NEGR1: variants seen among roughly 807,000 people sequenced by gnomAD.
The protein encoded by NEGR1 is IgLON family member 4.
A neutral mutation model predicts 40.9 loss-of-function variants in NEGR1; 10 were observed. The ratio of observed to expected loss-of-function variants is 0.24; its 90% CI spans 0.15 to 0.42. The LOEUF (loss-of-function observed/expected upper bound fraction) is 0.42. Among genes scored for constraint, NEGR1 ranks in the 10% least tolerant of loss-of-function variants. The probability of loss-of-function intolerance (pLI) is 1.00; values close to 1 mark genes in which losing one functional copy is unlikely to be tolerated. For synonymous variants in NEGR1, 185 were observed against 166.8 expected, an observed-to-expected ratio of 1.11 and a Z score of -0.84; for missense variants, 352 against 438.9, an observed-to-expected ratio of 0.80 and a Z score of 1.77.
At chr1:71,903,358 C>T (rs540903340) in intron 2 of NEGR1, among the ~76,000 whole-genome samples, 1 of 151,912 alleles carries the variant, frequency 6.6e-6, no homozygotes, top group African/African-American at 2.4e-5. Flanking sequence ...CTGCTGTCAG[C>T]AAAATTAAGG....
intron 3 of NEGR1, among the ~76,000 whole-genome samples, chr1:71,751,079 G>A (rs1030442787): frequency 1.3e-5 from 2 of 150,560 alleles, no homozygotes; most frequent in Non-Finnish European, 3.0e-5. Context: ...ATCATTCTTT[G>A]TTTTGTTTTT....
Position 71,575,225 on chromosome 1 carries a change from T to C in NEGR1, c.940+17592A>G, listed in dbSNP as rs188283137. Among the ~76,000 whole-genome samples the C allele has an allele frequency of 2.1e-3, 321 of 152,266 alleles. 1 individual carries two copies. Among genetic ancestry groups the C allele is most frequent in the African/African-American group, 7.5e-3 (313 of 41,552 alleles). On this transcript the variant is annotated intron_variant, in intron 6 of 6. Transcript: ENST00000357731. Reference sequence around the variant, plus strand: ...GCCTGGTAATTTATATATTGCAACATTGAAAAAGTCAGTTGCTTCTGCCTC... The same window carrying C: ...GCCTGGTAATTTATATATTGCAACACTGAAAAAGTCAGTTGCTTCTGCCTC...
intron 1 of NEGR1, among the ~76,000 whole-genome samples, chr1:72,063,928 T>G (rs1438837301): frequency 1.3e-5 from 2 of 151,970 alleles, no homozygotes; most frequent in African/African-American, 4.8e-5. Flanking sequence ...AAGTAGTTTT[T>G]GACAGCTTCC....
At chr1:72,136,074 C>G (rs1392055994) in intron 1 of NEGR1, among the ~76,000 whole-genome samples, 1 of 151,786 alleles carries the variant, frequency 6.6e-6, no homozygotes, top group Non-Finnish European at 1.5e-5. Flanking sequence ...AAATGTCAGG[C>G]AAACAACAAC....
chr1:72,142,749 G>GT lies in NEGR1; in HGVS notation c.176+139569dup, dbSNP rs1362822482. On this transcript the variant is annotated intron_variant, in intron 1 of 6. Transcript: ENST00000357731. ...AATACTGAGGCAGAATTTAGTTTTT[G>GT]TTTTTTTGTTTGTTTGTTTGTTTCA... Among the ~76,000 whole-genome samples the GT allele has an allele frequency of 6.6e-3, 995 of 150,998 alleles. 3 individuals carry two copies. Among genetic ancestry groups the GT allele is most frequent in the Non-Finnish European group, 9.8e-3 (663 of 67,562 alleles).
Position 71,402,021 on chromosome 1 carries a change from A to G in NEGR1, c.*5425T>C, listed in dbSNP as rs1188902819. 6.6e-6 allele frequency: 1 copy of G among 151,880 alleles called. No individual in the cohort carries two copies. The highest frequency in any genetic ancestry group is 2.4e-5 in the African/African-American group (1 of 41,376). The allele number at this position is 151,880 out of a possible 1,614,324, so 9.4% of individuals were successfully genotyped here. A position where few individuals can be genotyped will look rare whatever the true frequency, so the allele number is the denominator to read the frequency against. On this transcript the variant is annotated 3_prime_UTR_variant, in exon 7 of 7. Transcript: ENST00000357731. ...TTTAAAATGTGCTTATATTTATATAAATATATAAATAAAAATATGCAAATA... is the reference window on the plus strand; with the variant it reads ...TTTAAAATGTGCTTATATTTATATAGATATATAAATAAAAATATGCAAATA...
chr1:72,003,995 T>C (rs1016987736), intron 1 of NEGR1, among the ~76,000 whole-genome samples: 2 of 152,040 alleles, frequency 1.3e-5, no homozygotes, highest in African/African-American at 4.8e-5. Flanking sequence ...TAAAGATATA[T>C]ATATTTTCTC....
At chr1:71,834,170 A>G (rs1449434263) in intron 2 of NEGR1, among the ~76,000 whole-genome samples, 4 of 152,076 alleles carry the variant, frequency 2.6e-5, no homozygotes, top group African/African-American at 7.2e-5. Flanking sequence ...GCTTTGATTC[A>G]TGGTTTAAGG....
chr1:71,655,157 C>G (rs1467973537), intron 4 of NEGR1, among the ~76,000 whole-genome samples: 1 of 152,074 alleles, frequency 6.6e-6, no homozygotes, highest in Non-Finnish European at 1.5e-5. Flanking sequence ...TATTGAGTAT[C>G]TTTATTTTGG....
intron 6 of NEGR1, among the ~76,000 whole-genome samples, chr1:71,473,831 A>G (rs1646800169): frequency 6.6e-6 from 1 of 152,024 alleles, no homozygotes; most frequent in African/African-American, 2.4e-5. Flanking sequence ...TTCCTTTGTG[A>G]CTAGTGTGCA....
chr1:71,624,652 T>C (rs1180825018), intron 4 of NEGR1, among the ~76,000 whole-genome samples: 2 of 151,924 alleles, frequency 1.3e-5, no homozygotes, highest in East Asian at 1.9e-4. Flanking sequence ...GTCTTTTTAC[T>C]TGATACTTCC....
Position 71,397,208 on chromosome 1 carries a change from G to T in NEGR1, c.*10238C>A, listed in dbSNP as rs1646218212. The stretch of plus-strand genomic sequence containing the variant: ...GGTAGCATTTTGCCCTTGCCCTAGA[G>T]ATGTGTAGAACTTTGAAGTTGAGAG... On this transcript the variant is annotated 3_prime_UTR_variant, in exon 7 of 7. Transcript: ENST00000357731. The T allele has an allele frequency of 6.6e-6, 1 of 152,638 alleles. No homozygotes were observed. The highest frequency in any genetic ancestry group is 1.5e-5 in the Non-Finnish European group (1 of 68,382). The allele number at this position is 152,638 out of a possible 1,614,324, so 9.5% of individuals were successfully genotyped here.
intron 6 of NEGR1, among the ~76,000 whole-genome samples, chr1:71,473,847 T>C (rs1646800369): frequency 6.6e-6 from 1 of 152,030 alleles, no homozygotes; most frequent in South Asian, 2.1e-4. Context: ...GTGCATATAT[T>C]GCTTAATACT....
chr1:72,084,151 G>C (rs1648113879), intron 1 of NEGR1, among the ~76,000 whole-genome samples: 1 of 151,748 alleles, frequency 6.6e-6, no homozygotes, highest in African/African-American at 2.4e-5. Flanking sequence ...AGAGCACATA[G>C]CCTTTACAGC....
At chr1:72,037,519 T>C (rs529366494) in intron 1 of NEGR1, among the ~76,000 whole-genome samples, 2 of 152,286 alleles carry the variant, frequency 1.3e-5, no homozygotes, top group East Asian at 3.9e-4. Context: ...CATTAACCAA[T>C]TGTGCTGTAG....
intron 2 of NEGR1, among the ~76,000 whole-genome samples, chr1:71,876,237 T>A (rs542860497): frequency 6.6e-6 from 1 of 152,258 alleles, no homozygotes; most frequent in African/African-American, 2.4e-5. Context: ...TCCATGATTC[T>A]AAGCTAACAA....
chr1:71,653,778 T>C (rs1039120040), intron 4 of NEGR1, among the ~76,000 whole-genome samples: 2 of 151,866 alleles, frequency 1.3e-5, no homozygotes, highest in Non-Finnish European at 2.9e-5. Context: ...TTTTTTATCA[T>C]GAACATTTCA....
chr1:71,793,107 G>A (rs890624417), intron 2 of NEGR1, among the ~76,000 whole-genome samples: 1 of 147,540 alleles, frequency 6.8e-6, no homozygotes, highest in Non-Finnish European at 1.5e-5. Context: ...TATTGAAGAT[G>A]GCATAAATGA....
At chr1:71,921,703 A>AATATATATATAT (rs61614174) in intron 2 of NEGR1, among the ~76,000 whole-genome samples, 57 of 134,034 alleles carry the variant, frequency 4.3e-4, no homozygotes, top group African/African-American at 1.4e-3. Flanking sequence ...ACAGTACAAG[A>AATATATATATAT]ATATATATAT....
Sources: gnomAD v4.1 joint callset for allele counts (sites outside exome capture counted in the v4.1 genomes callset) on GRCh38, gnomAD v4.1.1 for gene constraint, MANE v1.5 for transcripts, NCBI Gene and HGNC (gene_info 2026-07-23, HGNC 2026-07-21) for gene names.